Variants in WNK3 observed in about 807,000 individuals in gnomAD.
WNK3 encodes the protein serine/threonine-protein kinase WNK3.
In WNK3, 18 loss-of-function variants were observed where a neutral mutation model predicts 116.7. The observed-to-expected ratio is 0.15, with a 90% CI of 0.11 to 0.23. WNK3 has a LOEUF of 0.23. Ranked by LOEUF, WNK3 falls within the 10% of genes least tolerant of loss-of-function variation. The pLI is 1.00. For synonymous variants in WNK3, 404 were observed against 469.4 expected (o/e 0.86, Z 1.80); for missense variants, 993 against 1,323.8 (o/e 0.75, Z 3.88).
chrX:54,219,420 C>T (rs1229809374), intron 22 of WNK3, among the ~76,000 whole-genome samples: 1 of 109,711 alleles, frequency 9.1e-6, no homozygotes, highest in Non-Finnish European at 1.9e-5. Flanking sequence ...TGGCTCACAC[C>T]TGTAATCCCA....
chrX:54,345,276 A>AC lies in WNK3; in HGVS notation c.-119-11485_-119-11484insG, dbSNP rs1322495788. Among the ~76,000 whole-genome samples the AC allele has an allele frequency of 1.1e-3, 88 of 77,476 alleles. 1 individual carries two copies. The highest frequency in any genetic ancestry group is 3.3e-3 in the African/African-American group (70 of 21,107). The allele number at this position is 77,476 out of a possible 115,157, so 67.3% of individuals were successfully genotyped here. Reference sequence around the variant, plus strand: ...AACAACAACAACAACAACAACAACTATATATATATGTATGTATGTATGTAT... The same window carrying AC: ...AACAACAACAACAACAACAACAACTACTATATATATGTATGTATGTATGTAT... On this transcript the variant is annotated intron_variant, in intron 1 of 23. Transcript: ENST00000354646.
intron 22 of WNK3, among the ~76,000 whole-genome samples, chrX:54,215,184 T>G (rs781809575): frequency 9.8e-6 from 1 of 102,158 alleles, no homozygotes; most frequent in South Asian, 4.5e-4. Context: ...ACCCTGGAGC[T>G]CTCCCTCTCT....
chrX:54,314,285 T>G (rs781967912), intron 2 of WNK3, among the ~76,000 whole-genome samples: 2 of 110,885 alleles, frequency 1.8e-5, no homozygotes, highest in South Asian at 7.7e-4. Flanking sequence ...TTATCACTGC[T>G]TTAAGTATGA....
chrX:54,205,330 G>T (rs2067543345), intron 22 of WNK3, among the ~76,000 whole-genome samples: 1 of 110,584 alleles, frequency 9.0e-6, no homozygotes, highest in Non-Finnish European at 1.9e-5. Flanking sequence ...GAAGAGAAAT[G>T]AAAAAAGAAC....
chrX:54,218,174 G>A (rs781834568), intron 22 of WNK3, among the ~76,000 whole-genome samples: 1 of 111,360 alleles, frequency 9.0e-6, no homozygotes, highest in African/African-American at 3.3e-5. Flanking sequence ...CAGTATTCTG[G>A]GATGTGAAAC....
At chrX:54,255,759 A>T (rs782586809) in exon 12 of WNK3, 1 of 1,207,036 alleles carries the variant, frequency 8.3e-7, no homozygotes, top group Non-Finnish European at 1.1e-6. Context: ...GGTAAGCTGA[A>T]ATTTAGTCCC....
chrX:54,319,745 TTAGAG>T (rs1243597056), intron 2 of WNK3, among the ~76,000 whole-genome samples: 6 of 112,307 alleles, frequency 5.3e-5, no homozygotes, highest in African/African-American at 1.9e-4. Context: ...AGGAAAATAC[TTAGAG>T]TAGAGCTTTC....
At chrX:54,239,910 T>TA (rs1307947339) in intron 17 of WNK3, among the ~76,000 whole-genome samples, 1 of 111,883 alleles carries the variant, frequency 8.9e-6, no homozygotes, top group South Asian at 3.7e-4. Flanking sequence ...TCTAGAAGAT[T>TA]AAAAAAATAT....
At chrX:54,286,389 C>T (rs1348310851) in intron 10 of WNK3, among the ~76,000 whole-genome samples, 1 of 110,668 alleles carries the variant, frequency 9.0e-6, no homozygotes. Flanking sequence ...TAATTTATGC[C>T]CTTGATGAAG....
At chrX:54,282,733 G>C (rs1259442593) in intron 10 of WNK3, among the ~76,000 whole-genome samples, 1 of 111,600 alleles carries the variant, frequency 9.0e-6, no homozygotes, top group East Asian at 2.8e-4. Flanking sequence ...ATAGTCTTTT[G>C]AATAAATGGC....
chrX:54,194,877 A>G (rs782055001), exon 24 of WNK3: 2 of 111,790 alleles, frequency 1.8e-5, no homozygotes, highest in African/African-American at 3.2e-5. Flanking sequence ...CAAACTGTAC[A>G]TAACACTCCA....
intron 1 of WNK3, among the ~76,000 whole-genome samples, chrX:54,340,633 C>G (rs1163072596): frequency 3.6e-5 from 4 of 109,618 alleles, no homozygotes; most frequent in African/African-American, 1.3e-4. Context: ...AAAAAGAACC[C>G]AATAATGACA....
At chrX:54,198,695 G>A (rs2067473071) in intron 23 of WNK3, 42 bp from the exon 24 acceptor site, 8 of 990,694 alleles carry the variant, frequency 8.1e-6, no homozygotes, top group African/African-American at 1.9e-5. Context: ...AGTTTATTTG[G>A]TATAGACTTT....
chrX:54,309,001 T>A (rs1264002967), intron 4 of WNK3, 94 bp downstream of exon 4: 8 of 704,079 alleles, frequency 1.1e-5, no homozygotes, highest in Non-Finnish European at 1.7e-5. Flanking sequence ...GCCACATTCA[T>A]CCCACTGGCC....
At chrX:54,308,944 G>C in intron 4 of WNK3, 151 bp downstream of exon 4, 1 of 470,839 alleles carries the variant, frequency 2.1e-6, no homozygotes, top group Non-Finnish European at 3.7e-6. Context: ...AAATGAGTGA[G>C]TGTGACTGTG....
chrX:54,348,451 T>G (rs2069468097), intron 1 of WNK3, among the ~76,000 whole-genome samples: 1 of 111,596 alleles, frequency 9.0e-6, no homozygotes, highest in African/African-American at 3.3e-5. Context: ...GGATTACAGG[T>G]GTGAGCCACT....
At chrX:54,352,449 G>T (rs1557178663) in intron 1 of WNK3, among the ~76,000 whole-genome samples, 1 of 110,999 alleles carries the variant, frequency 9.0e-6, no homozygotes, top group African/African-American at 3.3e-5. Context: ...TAAGGCAGGA[G>T]GATCACTTGA....
At chrX:54,354,673 C>T (rs1343388501) in intron 1 of WNK3, among the ~76,000 whole-genome samples, 1 of 110,880 alleles carries the variant, frequency 9.0e-6, no homozygotes, top group African/African-American at 3.3e-5. Context: ...TGCACATGTA[C>T]CCCGGAACTT....
chrX:54,304,064 C>T (rs782261937), intron 5 of WNK3, among the ~76,000 whole-genome samples: 4 of 111,698 alleles, frequency 3.6e-5, no homozygotes, highest in African/African-American at 6.5e-5. Context: ...AATGAAGTCC[C>T]GTGTAACCAT....
Sources: allele counts gnomAD v4.1 joint callset (sites outside exome capture counted in the v4.1 genomes callset), GRCh38; gene constraint gnomAD v4.1.1; transcripts MANE v1.5; gene names NCBI Gene and HGNC (gene_info 2026-07-23, HGNC 2026-07-21).